CD22: variants seen among roughly 807,000 people sequenced by gnomAD.
CD22 encodes the protein B-cell receptor CD22.
In CD22, 51 loss-of-function variants were observed where a neutral mutation model predicts 94.7. That is an observed-to-expected ratio of 0.54 (90% CI 0.43 to 0.68). The LOEUF (loss-of-function observed/expected upper bound fraction) is 0.68. Ranked by LOEUF, CD22 falls within the 30% of genes least tolerant of loss-of-function variation. The pLI is 0.00. For missense variants in CD22, 931 were observed against 1,060.4 expected (o/e 0.88, Z 1.69); for synonymous variants, 424 against 422.5 (o/e 1.00, Z -0.04).
At chr19:35,331,344 C>G (rs2066642049) in intron 1 of CD22, among the ~76,000 whole-genome samples, 1 of 152,190 alleles carries the variant, frequency 6.6e-6, no homozygotes, top group Admixed American at 6.5e-5. Context: ...CTCCACGTTA[C>G]CCGGGGCCTG....
chr19:35,336,220 C>T lies in CD22; in HGVS notation c.597C>T (p.Phe199=), dbSNP rs1568485845. Residue 199 remains phenylalanine (F), a synonymous_variant, in exon 4 of 14, where the codon TTC becomes TTT. Transcript: ENST00000085219. ...TSTSLTIKSV[F]TRSELKFSPQ... The stretch of plus-strand genomic sequence containing the variant: ...CCTCCTTGACCATCAAGTCTGTCTT[C>T]ACCCGGAGCGAGCTCAAGTTCTCCC... The T allele has an allele frequency of 6.2e-7, 1 of 1,614,248 alleles. No homozygotes were observed. Among genetic ancestry groups the T allele is most frequent in the Non-Finnish European group, 8.5e-7 (1 of 1,180,048 alleles).
In CD22 at chr19:35,337,963, T is replaced by G; in HGVS notation, c.927T>G (p.Cys309Trp). ...AGGACCAGAGTGGGAAGTACTGCTG[T>G]CAGGTCTCCAATGACGTGGGCCCGG... ...VTKDQSGKYC[C>W]QVSNDVGPGR... is the part of the protein sequence containing the mutation. The change falls in exon 5 of 14, where the codon TGT becomes TGG. Residue 309 changes from cysteine (C) to tryptophan (W), a missense_variant. By Grantham distance (215) the Cys-to-Trp change is radical. Coordinates refer to ENST00000085219, the MANE Select transcript of CD22 (RefSeq NM_001771.4). The surrounding 1 kb of genome is among the most constrained non-coding windows in gnomAD (Gnocchi z 4.4). 6.2e-7 allele frequency: 1 copy of G among 1,614,108 alleles called. No homozygotes were observed. Among genetic ancestry groups the G allele is most frequent in the Non-Finnish European group, 8.5e-7 (1 of 1,179,968 alleles).
chr19:35,336,056 A>G lies in CD22; in HGVS notation c.433A>G (p.Ile145Val), dbSNP rs551837423. Reference sequence around the variant, plus strand: ...TGCAGAAAGGCCTTTTCCACCTCATATCCAGCTCCCTCCAGAAATTCAAGA... The same window carrying G: ...TGCAGAAAGGCCTTTTCCACCTCATGTCCAGCTCCCTCCAGAAATTCAAGA... ...NVSERPFPPH[I>V]QLPPEIQESQ... The change falls in exon 4 of 14, where the codon ATC (isoleucine) becomes GTC (valine). Residue 145 changes from isoleucine (I) to valine (V), a missense_variant. Ile to Val is a conservative substitution (Grantham distance 29). Coordinates refer to ENST00000085219, the MANE Select transcript of CD22 (RefSeq NM_001771.4). The G allele has an allele frequency of 3.7e-6, 6 of 1,613,794 alleles. No individual in the cohort carries two copies. The African/African-American group carries it at 6.7e-5, about 18-fold the overall frequency.
intron 9 of CD22, among the ~76,000 whole-genome samples, chr19:35,342,633 C>A (rs908560339): frequency 6.6e-6 from 1 of 152,048 alleles, no homozygotes. Flanking sequence ...TCTTGTCCTG[C>A]GTCACCAGTC....
rs200102428 is a variant in CD22 at position 35,341,098 on chromosome 19, T to C, written c.1467T>C (p.Ser489=). 294 of 1,613,944 alleles carry C rather than the reference T, an allele frequency of 1.8e-4. 1 individual carries two copies. The highest frequency in any genetic ancestry group is 2.7e-5 in the Non-Finnish European group (32 of 1,180,006). Residue 489 remains serine (S), a synonymous_variant, in exon 7 of 14, where the codon AGT becomes AGC. Transcript: ENST00000085219. The surrounding 1 kb of genome is among the most constrained non-coding windows in gnomAD (Gnocchi z 4.0). ...CCATCGCCTGCGCAGCTTGTAATAG[T>C]TGGTGCTCGTGGGCCTCCCCTGTCG... ...NTTIACAACN[S]WCSWASPVAL... is the part of the protein sequence containing the mutation.
rs866043878 is a variant in CD22, at chr19:35,338,508, G to A, written c.1249+77G>A. 31 of 1,476,430 alleles carry A rather than the reference G, an allele frequency of 2.1e-5. 1 individual carries two copies. In the Middle Eastern group the frequency reaches 3.1e-3, roughly 145 times the overall value. The allele number at this position is 1,476,430 out of a possible 1,614,324, so 91.5% of individuals were successfully genotyped here. A position where few individuals can be genotyped will look rare whatever the true frequency, so the allele number is the denominator to read the frequency against. On this transcript the variant is annotated intron_variant, in intron 6 of 13. Coordinates refer to ENST00000085219, the MANE Select transcript of CD22 (RefSeq NM_001771.4). ...ACGGGGAAGGCAGATGGGGTGCAGG[G>A]CATTCCGGGGTCCTGGAGTCAAGAG...
Position 35,332,554 on chromosome 19 carries a change from A to G in CD22, c.42A>G (p.Glu14=). The change falls in exon 3 of 14, where the codon GAA becomes GAG. Residue 14 remains glutamate, a synonymous_variant. Transcript: ENST00000085219. ...LGPWLLLLVL[E]YLAFSDSSKW... Reference sequence around the variant, plus strand: ...TCTGATCACTGTGGTGAGTTCTAGAATACTTGGCTTTCTCTGACTCAAGTA... The same window carrying G: ...TCTGATCACTGTGGTGAGTTCTAGAGTACTTGGCTTTCTCTGACTCAAGTA... The G allele has an allele frequency of 6.2e-7, 1 of 1,612,324 alleles. No homozygotes were observed. The highest frequency in any genetic ancestry group is 1.1e-5 in the South Asian group (1 of 90,834).
At chr19:35,333,820 G>A (rs1599674110) in intron 3 of CD22, among the ~76,000 whole-genome samples, 2 of 152,274 alleles carry the variant, frequency 1.3e-5, no homozygotes, top group African/African-American at 4.8e-5. Context: ...AAAGCATTAG[G>A]ATTACAGGCA....
intron 4 of CD22, 104 bp downstream of exon 4, chr19:35,336,445 G>C (rs1046943033): frequency 1.8e-6 from 2 of 1,113,682 alleles, no homozygotes; most frequent in South Asian, 1.6e-5. Context: ...CTGCACAGAC[G>C]GCGGCATCCT....
At chr19:35,339,990 C>G (rs972112267) in intron 6 of CD22, among the ~76,000 whole-genome samples, 3 of 152,164 alleles carry the variant, frequency 2.0e-5, no homozygotes, top group Non-Finnish European at 4.4e-5. Flanking sequence ...CTCATTACCT[C>G]TCCATTGTAA....
At chr19:35,331,809 T>C (rs2066648819) in intron 1 of CD22, 1 of 960,404 alleles carries the variant, frequency 1.0e-6, no homozygotes, top group Admixed American at 3.1e-5. Flanking sequence ...ATCACACCAC[T>C]GCACTCTAGC....
intron 6 of CD22, among the ~76,000 whole-genome samples, chr19:35,338,831 G>A (rs564314475): frequency 5.9e-4 from 90 of 151,980 alleles, no homozygotes; most frequent in Non-Finnish European, 1.1e-3. Flanking sequence ...GGGTTTCACC[G>A]TGTTAGCCAG....
At chr19:35,330,711 G>A (rs990756397) in intron 1 of CD22, 1 of 152,208 alleles carries the variant, frequency 6.6e-6, no homozygotes, top group Non-Finnish European at 1.5e-5. Flanking sequence ...ACACTCTGCT[G>A]TCACATCCTT....
Position 35,336,205 on chromosome 19 carries a change from C to T in CD22, c.582C>T (p.Thr194=). The part of the protein sequence containing the change: ...RQAAVTSTSL[T]IKSVFTRSEL... ...CTGCTGTCACCTCGACCTCCTTGAC[C>T]ATCAAGTCTGTCTTCACCCGGAGCG... The change falls in exon 4 of 14, where the codon ACC becomes ACT. Residue 194 remains threonine (T), a synonymous_variant. Coordinates refer to ENST00000085219, the MANE Select transcript of CD22 (RefSeq NM_001771.4). The T allele has an allele frequency of 6.2e-7, 1 of 1,614,212 alleles. No homozygotes were observed. The highest frequency in any genetic ancestry group is 8.5e-7 in the Non-Finnish European group (1 of 1,180,044).
intron 3 of CD22, 88 bp from the exon 4 acceptor site, chr19:35,335,948 G>C (rs1286371466): frequency 1.5e-5 from 16 of 1,063,028 alleles, no homozygotes; most frequent in Non-Finnish European, 2.1e-5. Flanking sequence ...GGTTCCTGAG[G>C]GGTGATTTGG....
chr19:35,342,819 A>AT lies in CD22; in HGVS notation c.2035+864dup, dbSNP rs58000696. Among the ~76,000 whole-genome samples the AT allele has an allele frequency of 2.0e-3, 299 of 149,338 alleles. 4 individuals are homozygous for AT. The highest frequency in any genetic ancestry group is 0.014 in the East Asian group (74 of 5,104). ...GTTTTTATCTTTTAAAACGTAAATG[A>AT]TTTTTTTTTTAAACGGAGTCTCGAT... On this transcript the variant is annotated intron_variant, in intron 9 of 13. Coordinates refer to ENST00000085219, the MANE Select transcript of CD22 (RefSeq NM_001771.4).
rs2066754217 is a variant in CD22, at chr19:35,338,236, C to T, written c.1054C>T (p.Leu352Phe). The T allele has an allele frequency of 1.2e-6, 2 of 1,614,230 alleles. No homozygotes were observed. The highest frequency in any genetic ancestry group is 1.7e-6 in the Non-Finnish European group (2 of 1,180,040). The change falls in exon 6 of 14, where the codon CTT (leucine) becomes TTT (phenylalanine). Residue 352 changes from leucine to phenylalanine, a missense_variant. Physicochemically the swap from Leu to Phe is conservative, Grantham distance 22. Coordinates refer to ENST00000085219, the MANE Select transcript of CD22 (RefSeq NM_001771.4). Reference sequence around the variant, plus strand: ...TGTGGAGGGAAGTCAAGTCGAGTTTCTTTGCATGTCACTGGCCAATCCTCT... The same window carrying T: ...TGTGGAGGGAAGTCAAGTCGAGTTTTTTTGCATGTCACTGGCCAATCCTCT... ...PAVEGSQVEF[L>F]CMSLANPLPT... is the part of the protein sequence containing the mutation.
In CD22 at chr19:35,338,402, G is replaced by C; in HGVS notation, c.1220G>C (p.Arg407Thr). ...VAENILGTGQRGPGAELDVQY... is the reference protein window; with the variant it reads ...VAENILGTGQTGPGAELDVQY... ...GAAAACATTCTTGGTACTGGACAGA[G>C]GGGCCCGGGAGCTGAGCTGGATGTC... Residue 407 changes from arginine (R) to threonine (T), a missense_variant, in exon 6 of 14, where the codon AGG (arginine) becomes ACG (threonine). Transcript: ENST00000085219. 6.2e-7 allele frequency: 1 copy of C among 1,613,978 alleles called. No individual in the cohort carries two copies. Among genetic ancestry groups the C allele is most frequent in the African/African-American group, 1.3e-5 (1 of 75,030 alleles).
chr19:35,342,248 C>A (rs984119131), intron 9 of CD22, among the ~76,000 whole-genome samples: 1 of 151,934 alleles, frequency 6.6e-6, no homozygotes, highest in African/African-American at 2.4e-5. Flanking sequence ...CACCTCACTG[C>A]AGCCTCCAAT....
Sources: allele counts gnomAD v4.1 joint callset (sites outside exome capture counted in the v4.1 genomes callset), GRCh38; gene constraint gnomAD v4.1.1; non-coding constraint Gnocchi (gnomAD v3.1); transcripts MANE v1.5; gene names NCBI Gene and HGNC (gene_info 2026-07-23, HGNC 2026-07-21).